Variants in KIF6 observed in about 807,000 individuals in gnomAD.
KIF6 encodes the protein kinesin-like protein KIF6.
KIF6 carries 106 observed loss-of-function variants against 112.7 expected under a neutral mutation model. That is an observed-to-expected ratio of 0.94 (90% CI 0.80 to 1.11). KIF6 has a LOEUF of 1.11. Ranked by LOEUF, KIF6 falls within the 50% of genes least tolerant of loss-of-function variation. The pLI, the probability that KIF6 is intolerant of heterozygous loss-of-function variation, is 0.00. For missense variants in KIF6, 929 were observed against 964.0 expected, an observed-to-expected ratio of 0.96 and a Z score of 0.48; for synonymous variants, 339 against 339.9, an observed-to-expected ratio of 1.00 and a Z score of 0.03.
Position 39,613,257 on chromosome 6 carries a change from G to T in KIF6, c.571C>A (p.Gln191Lys). 1 of 1,607,510 alleles carries T rather than the reference G, an allele frequency of 6.2e-7. No homozygotes were observed. Residue 191 changes from glutamine (Q) to lysine (K), a missense_variant, in exon 6 of 23, where the codon CAG (glutamine) becomes AAG (lysine). Gln to Lys is a moderately conservative substitution (Grantham distance 53). Around this residue, in one of 2 missense-constraint regions of KIF6, gnomAD observed 688 missense variants for 662.7 expected, o/e 1.04. Coordinates refer to ENST00000287152, the MANE Select transcript of KIF6 (RefSeq NM_145027.6). ...AGAGCTTCTTCCTCTGTGGTTGCCT[G>T]ATGGAGAGTCAAGTTTTTCAGGTGA... ...NIHLKNLTLH[Q>K]ATTEEEALNL...
chr6:39,680,256 C>G (rs1413486758), intron 3 of KIF6, among the ~76,000 whole-genome samples: 1 of 152,130 alleles, frequency 6.6e-6, no homozygotes, highest in Non-Finnish European at 1.5e-5. Flanking sequence ...GACCCGCCCA[C>G]CTCAGCCTCC....
intron 3 of KIF6, 31 bp downstream of exon 3, chr6:39,714,661 A>G: frequency 6.6e-7 from 1 of 1,512,082 alleles, no homozygotes; most frequent in Non-Finnish European, 9.2e-7. Context: ...AAAAACCACG[A>G]GCCCACTGAA....
At chr6:39,625,431 A>G (rs542320988) in intron 5 of KIF6, among the ~76,000 whole-genome samples, 4 of 152,184 alleles carry the variant, frequency 2.6e-5, no homozygotes, top group African/African-American at 9.6e-5. Context: ...TCAGTTCTCA[A>G]TGTACACAGT....
chr6:39,632,474 A>T (rs868552364), intron 5 of KIF6, among the ~76,000 whole-genome samples: 1 of 152,126 alleles, frequency 6.6e-6, no homozygotes, highest in Non-Finnish European at 1.5e-5. Context: ...GAGACATTTC[A>T]GCTCACAACA....
chr6:39,660,418 T>G (rs1291192104), intron 3 of KIF6, among the ~76,000 whole-genome samples: 1 of 152,186 alleles, frequency 6.6e-6, no homozygotes, highest in South Asian at 2.1e-4. Flanking sequence ...CATCTCAGCA[T>G]AGTGGGTGAG....
At chr6:39,461,534 G>A (rs557402381) in intron 13 of KIF6, among the ~76,000 whole-genome samples, 2 of 152,018 alleles carry the variant, frequency 1.3e-5, no homozygotes, top group East Asian at 3.9e-4. Context: ...AAGAAAAGGT[G>A]AAATTAATTT....
At chr6:39,542,717 C>T (rs534161806) in intron 12 of KIF6, among the ~76,000 whole-genome samples, 2 of 152,294 alleles carry the variant, frequency 1.3e-5, no homozygotes, top group African/African-American at 4.8e-5. Flanking sequence ...TTATTGTCTT[C>T]ATAGTCATAA....
At chr6:39,339,015 C>G (rs1387343691) in intron 22 of KIF6, among the ~76,000 whole-genome samples, 2 of 152,130 alleles carry the variant, frequency 1.3e-5, no homozygotes, top group Admixed American at 1.3e-4. Flanking sequence ...TGCCCCAAGA[C>G]ATAGCTCCTT....
intron 10 of KIF6, chr6:39,553,822 G>A (rs1416963542): frequency 2.0e-5 from 3 of 152,494 alleles, no homozygotes; most frequent in Non-Finnish European, 4.4e-5. Context: ...GAGAAGCAGA[G>A]GCTGGGCCAC....
At chr6:39,491,340 A>T (rs558943359) in intron 13 of KIF6, among the ~76,000 whole-genome samples, 2 of 152,166 alleles carry the variant, frequency 1.3e-5, no homozygotes, top group African/African-American at 4.8e-5. Context: ...AGACAACTCC[A>T]ACTTTTCCAG....
rs367807012 is a variant in KIF6, at chr6:39,483,516, T to C, written c.1646-52355A>G. On this transcript the variant is annotated intron_variant, in intron 13 of 22. Transcript: ENST00000287152. ...CACTGGGGTGTACCTTTGTCTGACA[T>C]GCCAAGTTTTCTCTGTTAGCATTTT... 3.3e-5 allele frequency among the ~76,000 whole-genome samples: 5 copies of C among 152,212 alleles called. No individual in the cohort carries two copies. In the East Asian group the frequency reaches 5.8e-4, roughly 18 times the overall value.
intron 15 of KIF6, among the ~76,000 whole-genome samples, chr6:39,417,223 C>T (rs1056952571): frequency 2.0e-5 from 3 of 152,182 alleles, no homozygotes; most frequent in Non-Finnish European, 4.4e-5. Context: ...GCAGGCTACT[C>T]CCTGAGGTCA....
chr6:39,424,675 T>G (rs536557942), intron 14 of KIF6, among the ~76,000 whole-genome samples: 2 of 152,264 alleles, frequency 1.3e-5, no homozygotes, highest in South Asian at 2.1e-4. Flanking sequence ...AGGGCTGGGT[T>G]GATGTGGAAA....
Position 39,569,961 on chromosome 6 carries a change from G to A in KIF6, c.1181+8095C>T, listed in dbSNP as rs568224978. Among the ~76,000 whole-genome samples, 6 of 152,248 alleles carry A rather than the reference G, an allele frequency of 3.9e-5. No homozygotes were observed. The South Asian group carries it at 8.3e-4, about 21-fold the overall frequency. ...ATAAATTTGTTTTATTTCAAAGTGCGATTTATTTGATGGATAAACGAGCAT... is the reference window on the plus strand; with the variant it reads ...ATAAATTTGTTTTATTTCAAAGTGCAATTTATTTGATGGATAAACGAGCAT... On this transcript the variant is annotated intron_variant, in intron 10 of 22. Coordinates refer to ENST00000287152, the MANE Select transcript of KIF6 (RefSeq NM_145027.6).
intron 10 of KIF6, among the ~76,000 whole-genome samples, chr6:39,546,825 C>CAA (rs35366749): frequency 0.088 from 9,144 of 103,928 alleles, 408 homozygotes; most frequent in Middle Eastern, 0.2. Flanking sequence ...GACCCTGTCT[C>CAA]AAAAAAAAAA....
At chr6:39,652,194 C>T (rs1156800050) in intron 3 of KIF6, among the ~76,000 whole-genome samples, 2 of 152,138 alleles carry the variant, frequency 1.3e-5, no homozygotes, top group Admixed American at 6.6e-5. Context: ...ACAGCATCAT[C>T]TTACTAACTG....
At chr6:39,563,012 G>A (rs984331670) in intron 10 of KIF6, among the ~76,000 whole-genome samples, 1 of 152,154 alleles carries the variant, frequency 6.6e-6, no homozygotes, top group African/African-American at 2.4e-5. Context: ...AGGGCAAGGT[G>A]GGCAGGTCAC....
chr6:39,428,555 C>T (rs1395374232), intron 14 of KIF6, among the ~76,000 whole-genome samples: 2 of 152,122 alleles, frequency 1.3e-5, no homozygotes, highest in African/African-American at 2.4e-5. Flanking sequence ...TTCCCTATCC[C>T]CTTGTTTTAT....
At chr6:39,713,385 G>A (rs929813843) in intron 3 of KIF6, among the ~76,000 whole-genome samples, 2 of 152,184 alleles carry the variant, frequency 1.3e-5, no homozygotes, top group African/African-American at 4.8e-5. Flanking sequence ...AGGCAGTGGA[G>A]GCGAAAGCTT....
Sources: gnomAD v4.1 joint callset for allele counts (sites outside exome capture counted in the v4.1 genomes callset) on GRCh38, gnomAD v4.1.1 for gene constraint, gnomAD v4.1.1 regional missense constraint, MANE v1.5 for transcripts, NCBI Gene and HGNC (gene_info 2026-07-23, HGNC 2026-07-21) for gene names.